MAST4: variants seen among roughly 807,000 people sequenced by gnomAD.
The protein encoded by MAST4 is microtubule-associated serine/threonine-protein kinase 4.
A neutral mutation model predicts 162.7 loss-of-function variants in MAST4; 89 were observed. The ratio of observed to expected loss-of-function variants is 0.55; its 90% CI spans 0.46 to 0.65. The LOEUF is 0.65. Among genes scored for constraint, MAST4 ranks in the 30% least tolerant of loss-of-function variants. The pLI is 0.00. For synonymous variants in MAST4, 1,479 were observed against 1,361.1 expected (o/e 1.09, Z -1.91); for missense variants, 3,153 against 3,374.0 (o/e 0.93, Z 1.62).
intron 19 of MAST4, among the ~76,000 whole-genome samples, chr5:67,139,267 C>T (rs1171502872): frequency 3.3e-5 from 5 of 152,160 alleles, no homozygotes; most frequent in Non-Finnish European, 5.9e-5. Context: ...AAATAATGCA[C>T]CGTGAAAATG....
At chr5:66,764,291 A>T (rs1047810230) in intron 2 of MAST4, among the ~76,000 whole-genome samples, 7 of 152,190 alleles carry the variant, frequency 4.6e-5, no homozygotes, top group Admixed American at 3.3e-4. Context: ...CTCCTTATGA[A>T]AGACAGGAGC....
chr5:66,928,821 C>T (rs1265829995), intron 4 of MAST4, among the ~76,000 whole-genome samples: 1 of 152,158 alleles, frequency 6.6e-6, no homozygotes, highest in African/African-American at 2.4e-5. Context: ...GGCAAGAGTG[C>T]TCTTCTGTGC....
At chr5:66,896,295 G>T (rs1762679008) in intron 3 of MAST4, among the ~76,000 whole-genome samples, 3 of 152,140 alleles carry the variant, frequency 2.0e-5, no homozygotes, top group Admixed American at 2.0e-4. Context: ...GGCATGAAGT[G>T]TTCTTCTCAT....
At position 67,169,020 on chromosome 5, in the gene MAST4, A is replaced by C. The variant is rs1163166415; in HGVS notation, c.*1969A>C. 1 of 152,194 alleles carries C rather than the reference A, an allele frequency of 6.6e-6. No homozygotes were observed. Among genetic ancestry groups the C allele is most frequent in the Non-Finnish European group, 1.5e-5 (1 of 68,022 alleles). 9.4% of individuals were successfully genotyped at this position (152,194 alleles called of 1,614,324 possible). A position where few individuals can be genotyped will look rare whatever the true frequency, so the allele number is the denominator to read the frequency against. ...CTGTAAAAATATATATATATACTTT[A>C]CAAGAGTTTACTAATGGATTTCAAA... On this transcript the variant is annotated 3_prime_UTR_variant, in exon 29 of 29. Coordinates refer to ENST00000403625, the MANE Select transcript of MAST4 (RefSeq NM_001164664.2).
At chr5:67,156,098 T>A (rs1382638544) in intron 26 of MAST4, among the ~76,000 whole-genome samples, 1 of 151,414 alleles carries the variant, frequency 6.6e-6, no homozygotes, top group Non-Finnish European at 1.5e-5. Flanking sequence ...GGATAATAGT[T>A]AATGGGGCAA....
intron 1 of MAST4, among the ~76,000 whole-genome samples, chr5:66,696,732 C>A (rs564444949): frequency 1.4e-5 from 2 of 142,416 alleles, no homozygotes; most frequent in East Asian, 4.1e-4. Context: ...ATAATAATAC[C>A]GAGATATCAT....
At chr5:66,634,431 C>T (rs1425773366) in intron 1 of MAST4, among the ~76,000 whole-genome samples, 1 of 152,170 alleles carries the variant, frequency 6.6e-6, no homozygotes, top group Non-Finnish European at 1.5e-5. Flanking sequence ...TGTCCATGAC[C>T]ACACAGCCAC....
At chr5:67,004,660 G>A in intron 4 of MAST4, 1 of 213,516 alleles carries the variant, frequency 4.7e-6, no homozygotes, top group Non-Finnish European at 9.6e-6. Context: ...CCCACAGACA[G>A]CGCTTTGAGC....
intron 2 of MAST4, among the ~76,000 whole-genome samples, chr5:66,784,539 A>G (rs1755023053): frequency 6.6e-6 from 1 of 152,190 alleles, no homozygotes; most frequent in Admixed American, 6.5e-5. Flanking sequence ...CAGATCTACC[A>G]TACTCCTCCC....
rs778379125 is a variant in MAST4, at chr5:67,142,391, T to C, written c.2618-30T>C. ...ATCTAAATGTTGAAAATCTGAGTAA[T>C]TGGACCTGTTCCCAAACATTTCACT... is the stretch of plus-strand genomic sequence containing the variant. On this transcript the variant is annotated intron_variant, in intron 20 of 28. Transcript: ENST00000403625. 10 of 1,540,158 alleles carry C rather than the reference T, an allele frequency of 6.5e-6. No homozygotes were observed. The Admixed American group carries it at 7.5e-5, about 12-fold the overall frequency.
At chr5:66,743,123 C>T (rs899313188) in intron 1 of MAST4, among the ~76,000 whole-genome samples, 6 of 152,324 alleles carry the variant, frequency 3.9e-5, no homozygotes, top group South Asian at 2.1e-4. Flanking sequence ...TCAGAGCAGC[C>T]TTCTCTAATC....
chr5:67,009,801 G>A (rs1752458153), intron 4 of MAST4, among the ~76,000 whole-genome samples: 1 of 152,142 alleles, frequency 6.6e-6, no homozygotes, highest in African/African-American at 2.4e-5. Flanking sequence ...CTGGGAGTGG[G>A]GGTGAGACCT....
chr5:66,783,037 G>A (rs1277073880), intron 2 of MAST4, among the ~76,000 whole-genome samples: 5 of 152,076 alleles, frequency 3.3e-5, no homozygotes, highest in Non-Finnish European at 7.4e-5. Flanking sequence ...ACTAATGGGG[G>A]TCTAGGCAGG....
intron 4 of MAST4, among the ~76,000 whole-genome samples, chr5:67,051,653 G>T (rs1173818349): frequency 6.6e-6 from 1 of 152,088 alleles, no homozygotes; most frequent in Non-Finnish European, 1.5e-5. Context: ...GTTTTCTACA[G>T]AATATCTCAG....
chr5:66,995,118 A>G (rs376708315), intron 4 of MAST4, among the ~76,000 whole-genome samples: 11 of 151,880 alleles, frequency 7.2e-5, no homozygotes, highest in African/African-American at 2.7e-4. Context: ...AATCAGAGAT[A>G]TTTTTCATTT....
intron 3 of MAST4, among the ~76,000 whole-genome samples, chr5:66,857,909 T>A (rs1759805142): frequency 6.6e-6 from 1 of 152,144 alleles, no homozygotes; most frequent in Admixed American, 6.5e-5. Flanking sequence ...TAAGAAATAT[T>A]TTCCTATTTA....
chr5:67,112,582 GGGAAA>G (rs1344974232), intron 11 of MAST4, among the ~76,000 whole-genome samples: 68 of 152,168 alleles, frequency 4.5e-4, no homozygotes, highest in African/African-American at 2.7e-4. Context: ...ACAGAACTCA[GGGAAA>G]CACTGAAGTT....
intron 15 of MAST4, 81 bp from the exon 16 acceptor site, chr5:67,131,732 C>A (rs1178869794): frequency 5.6e-6 from 8 of 1,428,818 alleles, no homozygotes; most frequent in Non-Finnish European, 7.7e-6. Flanking sequence ...GATGATTTCA[C>A]CTTGAAATTC....
At chr5:66,704,489 G>GTTTTTT (rs1749984358) in intron 1 of MAST4, among the ~76,000 whole-genome samples, 1 of 100,908 alleles carries the variant, frequency 9.9e-6, no homozygotes, top group South Asian at 3.2e-4. Context: ...GTTGCTTGTT[G>GTTTTTT]TTCTTTTTTT....
Sources: gnomAD v4.1 joint callset for allele counts (sites outside exome capture counted in the v4.1 genomes callset) on GRCh38, gnomAD v4.1.1 for gene constraint, MANE v1.5 for transcripts, NCBI Gene and HGNC (gene_info 2026-07-23, HGNC 2026-07-21) for gene names.